Variants in KIF15 observed in about 807,000 individuals in gnomAD.
KIF15 encodes kinesin family member 15.
KIF15 carries 140 observed loss-of-function variants against 190.6 expected under a neutral mutation model. The ratio of observed to expected loss-of-function variants is 0.73; its 90% CI spans 0.64 to 0.84. The LOEUF (loss-of-function observed/expected upper bound fraction) is 0.84. Among genes scored for constraint, KIF15 ranks in the 40% least tolerant of loss-of-function variants. The probability of loss-of-function intolerance (pLI) is 0.00; values close to 1 mark genes in which losing one functional copy is unlikely to be tolerated. For synonymous variants in KIF15, 528 were observed against 551.3 expected (o/e 0.96, Z 0.59); for missense variants, 1,372 against 1,584.4 (o/e 0.87, Z 2.28).
intron 28 of KIF15, among the ~76,000 whole-genome samples, chr3:44,840,825 C>T (rs1454080376): frequency 1.9e-5 from 2 of 104,814 alleles, no homozygotes; most frequent in Non-Finnish European, 3.8e-5. Context: ...CACACTGCCA[C>T]GCCTGGCTAA....
intron 6 of KIF15, chr3:44,861,742 C>T (rs901985953): frequency 7.5e-5 from 46 of 616,004 alleles, no homozygotes; most frequent in Non-Finnish European, 1.1e-4. Context: ...AGGCCGGAGG[C>T]CGCCACAGCC....
At chr3:44,847,953 A>C (rs548741155) in intron 30 of KIF15, 32 bp from the exon 31 acceptor site, 7 of 1,496,600 alleles carry the variant, frequency 4.7e-6, no homozygotes, top group Non-Finnish European at 6.4e-6. Context: ...GTGTTTTCCT[A>C]TGCCTCCTCC....
intron 32 of KIF15, 46 bp downstream of exon 32, chr3:44,848,604 T>C (rs1357713475): frequency 1.1e-6 from 1 of 936,938 alleles, no homozygotes; most frequent in Non-Finnish European, 1.6e-6. Context: ...ATCTTTTCCT[T>C]ATTCTCCTCT....
chr3:44,867,609 G>T (rs948415681), intron 6 of KIF15, among the ~76,000 whole-genome samples: 1 of 152,222 alleles, frequency 6.6e-6, no homozygotes, highest in Non-Finnish European at 1.5e-5. Flanking sequence ...TGGTGTTGAC[G>T]TGGAACCCTA....
chr3:44,802,791 C>T (rs375793736), intron 13 of KIF15, 23 bp from the exon 14 acceptor site: 16 of 1,520,344 alleles, frequency 1.1e-5, no homozygotes, highest in East Asian at 4.6e-5. Flanking sequence ...ATATATAATG[C>T]GTGTAATTCT....
chr3:44,823,204 T>G (rs1187161018), intron 20 of KIF15, among the ~76,000 whole-genome samples: 1 of 152,188 alleles, frequency 6.6e-6, no homozygotes, highest in African/African-American at 2.4e-5. Context: ...ATGGATGCCC[T>G]TTTTGTTGGT....
chr3:44,808,078 A>C (rs148021956), intron 16 of KIF15, among the ~76,000 whole-genome samples: 8 of 152,268 alleles, frequency 5.3e-5, no homozygotes, highest in African/African-American at 1.9e-4. Context: ...CACTAGGATT[A>C]CAGGTGTGAG....
chr3:44,773,844 A>G (rs1044483318), intron 1 of KIF15, among the ~76,000 whole-genome samples: 1 of 152,240 alleles, frequency 6.6e-6, no homozygotes, highest in Admixed American at 6.5e-5. Flanking sequence ...AGGAAAGATT[A>G]GGCACATGGA....
chr3:44,778,336 GTC>G, intron 4 of KIF15, 145 bp downstream of exon 4: 1 of 681,420 alleles, frequency 1.5e-6, no homozygotes, highest in African/African-American at 1.8e-5. Flanking sequence ...TTCAACATGG[GTC>G]TCTCACAGGT....
chr3:44,861,523 G>A (rs1007723094), intron 6 of KIF15, among the ~76,000 whole-genome samples: 1 of 152,230 alleles, frequency 6.6e-6, no homozygotes, highest in Non-Finnish European at 1.5e-5. Context: ...AGGGTGGAGC[G>A]GAGAAGCCTG....
rs1707292364 is a variant in KIF15, at chr3:44,801,886, A to G, written c.1421A>G (p.His474Arg). ...CAAATAATACGCTTGGAAAAGCTCC[A>G]CAAGGAATCCCGGGGAGGTTTTCTG... ...EDQIIRLEKL[H>R]KESRGGFLPE... The change falls in exon 13 of 35, where the codon CAC becomes CGC. Residue 474 changes from histidine (H) to arginine (R), a missense_variant. By Grantham distance (29) the His-to-Arg change is conservative. Coordinates refer to ENST00000326047, the MANE Select transcript of KIF15 (RefSeq NM_020242.3). The G allele has an allele frequency of 6.2e-7, 1 of 1,613,720 alleles. No homozygotes were observed. The highest frequency in any genetic ancestry group is 1.3e-5 in the African/African-American group (1 of 75,046).
intron 4 of KIF15, among the ~76,000 whole-genome samples, chr3:44,779,247 G>A (rs1706052057): frequency 6.6e-6 from 1 of 151,926 alleles, no homozygotes; most frequent in Admixed American, 6.6e-5. Flanking sequence ...AGATGCTCTG[G>A]GCTCATCTTG....
chr3:44,797,423 T>A (rs1163091914), intron 8 of KIF15, 128 bp from the exon 9 acceptor site: 1 of 854,720 alleles, frequency 1.2e-6, no homozygotes, highest in Non-Finnish European at 1.8e-6. Context: ...GAATAGTTGT[T>A]CTTTATTAAC....
At chr3:44,796,140 G>A (rs1000721843) in intron 8 of KIF15, among the ~76,000 whole-genome samples, 2 of 152,216 alleles carry the variant, frequency 1.3e-5, no homozygotes, top group African/African-American at 4.8e-5. Context: ...TGGGATTACA[G>A]GCGTTAGCCA....
At chr3:44,766,092 G>A (rs147553286) in intron 1 of KIF15, 272 of 152,968 alleles carry the variant, frequency 1.8e-3, no homozygotes, top group Non-Finnish European at 3.1e-3. Flanking sequence ...TACCTGCCTC[G>A]GCCTCCCAAA....
intron 25 of KIF15, 40 bp downstream of exon 25, chr3:44,830,115 G>T: frequency 9.0e-7 from 1 of 1,116,338 alleles, no homozygotes; most frequent in South Asian, 1.5e-5. Context: ...TTTGAGCATG[G>T]GACACTTCAC....
At chr3:44,810,016 A>C (rs1213148264) in intron 16 of KIF15, among the ~76,000 whole-genome samples, 1 of 152,118 alleles carries the variant, frequency 6.6e-6, no homozygotes. Flanking sequence ...GTGGTGAGCC[A>C]AGATTACACC....
chr3:44,813,359 G>T, intron 19 of KIF15, 179 bp downstream of exon 19: 1 of 447,262 alleles, frequency 2.2e-6, no homozygotes, highest in South Asian at 4.0e-5. Flanking sequence ...TATCATAAAA[G>T]GTAAATTTCT....
At chr3:44,859,153 G>A (rs1699215409) in intron 6 of KIF15, among the ~76,000 whole-genome samples, 1 of 152,240 alleles carries the variant, frequency 6.6e-6, no homozygotes, top group Non-Finnish European at 1.5e-5. Flanking sequence ...GCAAGCTCCT[G>A]TGGGAGGCGG....
Sources: gnomAD v4.1 joint callset for allele counts (sites outside exome capture counted in the v4.1 genomes callset) on GRCh38, gnomAD v4.1.1 for gene constraint, MANE v1.5 for transcripts, NCBI Gene and HGNC (gene_info 2026-07-23, HGNC 2026-07-21) for gene names.